Variants in BANK1 observed in about 807,000 individuals in gnomAD.
The protein encoded by BANK1 is B cell scaffold protein with ankyrin repeats 1.
In BANK1, 95 loss-of-function variants were observed where a neutral mutation model predicts 94.5. That is an observed-to-expected ratio of 1.00 (90% CI 0.85 to 1.19). The LOEUF is 1.19. Among genes scored for constraint, BANK1 ranks in the 50% most tolerant of loss-of-function variants. The probability of loss-of-function intolerance (pLI) is 0.00; values close to 1 mark genes in which losing one functional copy is unlikely to be tolerated. For missense variants in BANK1, 987 were observed against 932.2 expected (o/e 1.06, Z -0.77); for synonymous variants, 334 against 308.4 (o/e 1.08, Z -0.87).
At chr4:102,073,965 C>A in intron 16 of BANK1, 40 bp from the exon 17 acceptor site, 1 of 375,356 alleles carries the variant, frequency 2.7e-6, no homozygotes, top group Non-Finnish European at 4.7e-6. Context: ...AATTGATGAG[C>A]TATTATTCAC....
At position 102,029,988 on chromosome 4, in the gene BANK1, A is replaced by T. The variant is rs1727233459; in HGVS notation, c.1623A>T (p.Arg541Ser). ...PGTMVEGQMERSQNWGHPGVR... is the reference protein window; with the variant it reads ...PGTMVEGQMESSQNWGHPGVR... ...CAATGGTGGAAGGCCAAATGGAAAGAAGTCAAAACTGGGGTCATCCTGGTG... is the reference window on the plus strand; with the variant it reads ...CAATGGTGGAAGGCCAAATGGAAAGTAGTCAAAACTGGGGTCATCCTGGTG... The change falls in exon 10 of 17, where the codon AGA becomes AGT. Residue 541 changes from arginine (R) to serine (S), a missense_variant. Arg to Ser is a moderately radical substitution (Grantham distance 110). Coordinates refer to ENST00000322953, the MANE Select transcript of BANK1 (RefSeq NM_017935.5). 6.2e-7 allele frequency: 1 copy of T among 1,608,266 alleles called. No individual in the cohort carries two copies. The highest frequency in any genetic ancestry group is 8.5e-7 in the Non-Finnish European group (1 of 1,178,508).
chr4:101,901,764 T>C (rs1178867723), intron 6 of BANK1, among the ~76,000 whole-genome samples: 7 of 6,058 alleles, frequency 1.2e-3, no homozygotes, highest in Non-Finnish European at 8.0e-3. Context: ...TGTTTTTTTG[T>C]TTTTGTTTTT....
intron 6 of BANK1, among the ~76,000 whole-genome samples, chr4:101,911,523 A>G (rs1191405516): frequency 7.0e-6 from 1 of 143,306 alleles, no homozygotes; most frequent in Non-Finnish European, 1.6e-5. Flanking sequence ...CATTGGGTTC[A>G]CAGATTAATT....
rs180707452 is a variant in BANK1, at chr4:101,883,475, A to C, written c.904-11830A>C. Among the ~76,000 whole-genome samples, 598 of 152,332 alleles carry C rather than the reference A, an allele frequency of 3.9e-3. 6 individuals are homozygous for C. Among genetic ancestry groups the C allele is most frequent in the African/African-American group, 0.013 (558 of 41,568 alleles). ...TATAACTTATATTTAGCTACTGTTA[A>C]GAATACATTTCACTAATGACTTATT... On this transcript the variant is annotated intron_variant, in intron 5 of 16. Coordinates refer to ENST00000322953, the MANE Select transcript of BANK1 (RefSeq NM_017935.5).
chr4:101,986,873 A>ATATGTG (rs1491537713), intron 7 of BANK1, among the ~76,000 whole-genome samples: 2 of 46,894 alleles, frequency 4.3e-5, no homozygotes, highest in East Asian at 6.9e-4. Context: ...ATATGTGTGT[A>ATATGTG]TGTGTGTGTG....
intron 1 of BANK1, among the ~76,000 whole-genome samples, chr4:101,818,982 C>T (rs937180445): frequency 6.6e-6 from 1 of 150,794 alleles, no homozygotes; most frequent in African/African-American, 2.4e-5. Context: ...AGGATTCTGA[C>T]ATTTGCTATG....
chr4:102,030,168 T>C lies in BANK1; in HGVS notation c.1803T>C (p.Thr601=). ...CCAATCTGAGTATAAAGAAAAAAAC[T>C]GGGAGTCGGTCTTTCATTATAAATA... The part of the protein sequence containing the change: ...ILANLSIKKK[T]GSRSFIINRP... The change falls in exon 10 of 17, where the codon ACT becomes ACC. Residue 601 remains threonine (T), a synonymous_variant. Coordinates refer to ENST00000322953, the MANE Select transcript of BANK1 (RefSeq NM_017935.5). 6.2e-7 allele frequency: 1 copy of C among 1,614,070 alleles called. No individual in the cohort carries two copies. Among genetic ancestry groups the C allele is most frequent in the South Asian group, 1.1e-5 (1 of 91,074 alleles).
At chr4:101,822,551 G>A (rs766974031) in intron 1 of BANK1, among the ~76,000 whole-genome samples, 1 of 151,648 alleles carries the variant, frequency 6.6e-6, no homozygotes, top group Non-Finnish European at 1.5e-5. Context: ...TTTGATCACA[G>A]CATTCTCTTC....
At chr4:102,046,673 C>A (rs72933934) in intron 11 of BANK1, among the ~76,000 whole-genome samples, 7,733 of 152,208 alleles carry the variant, frequency 0.051, 480 homozygotes, top group African/African-American at 0.14. Context: ...TCTAACATTT[C>A]TTGAACAATT....
At chr4:101,874,190 T>C (rs73836622) in intron 5 of BANK1, among the ~76,000 whole-genome samples, 267 of 152,342 alleles carry the variant, frequency 1.8e-3, no homozygotes, top group African/African-American at 6.0e-3. Flanking sequence ...TTGCATGTAT[T>C]ATTCAATCTT....
intron 7 of BANK1, among the ~76,000 whole-genome samples, chr4:101,955,793 A>G (rs1274357594): frequency 1.3e-5 from 2 of 152,212 alleles, no homozygotes; most frequent in Non-Finnish European, 2.9e-5. Context: ...TAACTTTATG[A>G]TTATGAGTCT....
chr4:101,918,084 A>G lies in BANK1; in HGVS notation c.1101A>G (p.Gly367=). The change falls in exon 7 of 17, where the codon GGA becomes GGG. Residue 367 remains glycine, a synonymous_variant. Transcript: ENST00000322953. ...CTATTCATTTGCTTCAATGTTCAGG[A>G]GCAACCTGGGCATCTAAGATGAAAA... ...NLAIHLLQCS[G]ATWASKMKNM... The G allele has an allele frequency of 1.2e-6, 2 of 1,612,232 alleles. No individual in the cohort carries two copies. The highest frequency in any genetic ancestry group is 1.7e-6 in the Non-Finnish European group (2 of 1,178,792).
At chr4:102,040,105 T>C in intron 10 of BANK1, among the ~76,000 whole-genome samples, 1 of 152,096 alleles carries the variant, frequency 6.6e-6, no homozygotes, top group East Asian at 1.9e-4. Flanking sequence ...TTGCTTGAAA[T>C]AGACCACAAA....
At chr4:101,850,107 G>A (rs1242500214) in intron 2 of BANK1, among the ~76,000 whole-genome samples, 1 of 152,148 alleles carries the variant, frequency 6.6e-6, no homozygotes, top group Non-Finnish European at 1.5e-5. Context: ...ATATTTTTAA[G>A]GGTGTGTTCA....
chr4:101,964,453 C>T (rs1488848928), intron 7 of BANK1, among the ~76,000 whole-genome samples: 1 of 151,890 alleles, frequency 6.6e-6, no homozygotes, highest in Non-Finnish European at 1.5e-5. Flanking sequence ...TCTTTTCTGG[C>T]TGTTAGAATG....
At chr4:101,809,395 T>G (rs1304652787) in intron 1 of BANK1, among the ~76,000 whole-genome samples, 1 of 152,142 alleles carries the variant, frequency 6.6e-6, no homozygotes, top group African/African-American at 2.4e-5. Flanking sequence ...TTAGGTACAG[T>G]GTACACTGCT....
chr4:101,847,772 CACAT>C (rs767489414), intron 2 of BANK1, among the ~76,000 whole-genome samples: 18 of 141,986 alleles, frequency 1.3e-4, no homozygotes, highest in Middle Eastern at 3.7e-3. Context: ...CACACACACA[CACAT>C]ATGTCTCACA....
At chr4:101,848,019 G>C (rs1727322370) in intron 2 of BANK1, among the ~76,000 whole-genome samples, 1 of 152,194 alleles carries the variant, frequency 6.6e-6, no homozygotes, top group Non-Finnish European at 1.5e-5. Context: ...GGAACCCAGT[G>C]AGCTCCCAGG....
intron 6 of BANK1, among the ~76,000 whole-genome samples, chr4:101,896,090 T>C (rs1722067103): frequency 6.6e-6 from 1 of 151,954 alleles, no homozygotes; most frequent in Non-Finnish European, 1.5e-5. Context: ...GTGTATTATA[T>C]ATGTGGTTAA....
Sources: gnomAD v4.1 joint callset for allele counts (sites outside exome capture counted in the v4.1 genomes callset) on GRCh38, gnomAD v4.1.1 for gene constraint, MANE v1.5 for transcripts, NCBI Gene and HGNC (gene_info 2026-07-23, HGNC 2026-07-21) for gene names.